LRRC43: variants seen among roughly 807,000 people sequenced by gnomAD.
The protein encoded by LRRC43 is leucine-rich repeat-containing protein 43.
A neutral mutation model predicts 64.3 loss-of-function variants in LRRC43; 62 were observed. That is an observed-to-expected ratio of 0.96 (90% CI 0.79 to 1.19). The LOEUF is 1.19. LRRC43 is among the 50% of genes most tolerant of loss of function. LRRC43 has a pLI of 0.00. For missense variants in LRRC43, 868 were observed against 845.0 expected (o/e 1.03, Z -0.34); for synonymous variants, 422 against 382.3 (o/e 1.10, Z -1.21).
chr12:122,181,251 G>A (rs765097215), upstream of LRRC43, among the ~76,000 whole-genome samples: 21 of 151,358 alleles, frequency 1.4e-4, no homozygotes, highest in Non-Finnish European at 2.5e-4. Flanking sequence ...TCTTTGAAAG[G>A]ACATATGGTT....
chr12:122,203,227 AG>A (rs1208781050), intron 11 of LRRC43, 87 bp from the exon 12 acceptor site: 3 of 1,479,242 alleles, frequency 2.0e-6, no homozygotes, highest in Non-Finnish European at 2.8e-6. Context: ...GACAGGGTCC[AG>A]GGCTTGCATA....
At chr12:122,189,585 GC>G (rs1193188624) in intron 4 of LRRC43, 3 of 428,736 alleles carry the variant, frequency 7.0e-6, no homozygotes, top group Admixed American at 2.6e-5. Flanking sequence ...CTCTTTGCAG[GC>G]CCCTCCCAGG....
Position 122,203,381 on chromosome 12 carries a change from T to C in LRRC43, c.1910T>C (p.Val637Ala). 1 of 1,613,342 alleles carries C rather than the reference T, an allele frequency of 6.2e-7. No individual in the cohort carries two copies. Among genetic ancestry groups the C allele is most frequent in the Non-Finnish European group, 8.5e-7 (1 of 1,179,912 alleles). ...CACCCTGAGCCCCTGACCGTAGAGG[T>C]GCAGATCCAGCTGAACCAGTGCCGC... ...DYHPEPLTVE[V>A]QIQLNQCRSA... Residue 637 changes from valine to alanine, a missense_variant, in exon 12 of 12, where the codon GTG becomes GCG. Physicochemically the swap from Val to Ala is moderately conservative, Grantham distance 64. Transcript: ENST00000339777.
At chr12:122,173,937 G>A (rs1472542821) in intron 1 of LRRC43, 1 of 1,613,970 alleles carries the variant, frequency 6.2e-7, no homozygotes, top group Non-Finnish European at 8.5e-7. Context: ...GCAACGTGTG[G>A]GAGGCCAGCC....
At chr12:122,169,511 C>A (rs528104260) in intron 1 of LRRC43, among the ~76,000 whole-genome samples, 1 of 151,960 alleles carries the variant, frequency 6.6e-6, no homozygotes, top group East Asian at 1.9e-4. Flanking sequence ...GTCAGGAGAT[C>A]GAGACCATCC....
Position 122,184,181 on chromosome 12 carries a change from G to A in LRRC43, c.151-338G>A, listed in dbSNP as rs1055250662. On this transcript the variant is annotated intron_variant, in intron 1 of 11. Coordinates refer to ENST00000339777, the MANE Select transcript of LRRC43 (RefSeq NM_001098519.2). This position sits in a 1 kb window ranked among gnomAD's most constrained non-coding sequence, Gnocchi z 4.0. ...GTGATCTCGGCTCACTGCAACCTCC[G>A]CCTCCCGGGTTCAAACGATTCTCCT... 2.2e-4 allele frequency among the ~76,000 whole-genome samples: 33 copies of A among 148,326 alleles called. No homozygotes were observed. The highest frequency in any genetic ancestry group is 7.5e-4 in the African/African-American group (30 of 39,912).
At chr12:122,190,501 T>C (rs1287296051) in intron 5 of LRRC43, 133 bp downstream of exon 5, 22 of 673,614 alleles carry the variant, frequency 3.3e-5, no homozygotes, top group Admixed American at 2.7e-5. Flanking sequence ...TATTCAGGTA[T>C]AGCCTCTCTT....
At chr12:122,188,011 G>C (rs565334686) in intron 4 of LRRC43, 171 bp downstream of exon 4, 1 of 666,210 alleles carries the variant, frequency 1.5e-6, no homozygotes, top group Middle Eastern at 4.1e-4. Flanking sequence ...GTGGGATTTT[G>C]TAAACAAAAA....
rs746797772 is a variant in LRRC43, at chr12:122,183,214, A to T, written c.70A>T (p.Thr24Ser). The change falls in exon 1 of 12, where the codon ACC becomes TCC. Residue 24 changes from threonine to serine, a missense_variant. By Grantham distance (58) the Thr-to-Ser change is moderately conservative. Transcript: ENST00000339777. ...EAGPGTQRPG[T>S]GTVSAAVREH... ...CGGGCCTGGGACTCAGCGGCCCGGG[A>T]CCGGGACCGTGAGCGCGGCCGTGCG... 7.7e-6 allele frequency: 12 copies of T among 1,564,530 alleles called. No individual in the cohort carries two copies. The South Asian group carries it at 1.4e-4, about 18-fold the overall frequency.
intron 1 of LRRC43, chr12:122,173,767 A>G: frequency 1.5e-6 from 2 of 1,320,656 alleles, no homozygotes; most frequent in East Asian, 2.3e-5. Context: ...TCAGGTCCGG[A>G]GAGAGGAGCC....
chr12:122,187,986 C>T, intron 4 of LRRC43, 146 bp downstream of exon 4: 2 of 770,938 alleles, frequency 2.6e-6, no homozygotes, highest in Non-Finnish European at 4.0e-6. Flanking sequence ...GTTTATTTCT[C>T]TGAATCCCCC....
At position 122,187,790 on chromosome 12, in the gene LRRC43, C is replaced by A. The variant is rs909204076; in HGVS notation, c.612C>A (p.His204Gln). ...GCCTGCAGCACTTGGGGTTAGGCCA[C>A]AACAAACTTCTAGGCCCCTTGGAAA... ...PAGLQHLGLG[H>Q]NKLLGPLESL... Residue 204 changes from histidine (H) to glutamine (Q), a missense_variant, in exon 4 of 12, where the codon CAC (histidine) becomes CAA (glutamine). Transcript: ENST00000339777. 1 of 1,614,132 alleles carries A rather than the reference C, an allele frequency of 6.2e-7. No individual in the cohort carries two copies. The highest frequency in any genetic ancestry group is 8.5e-7 in the Non-Finnish European group (1 of 1,180,010).
intron 1 of LRRC43, among the ~76,000 whole-genome samples, chr12:122,177,350 G>A (rs1026029709): frequency 6.6e-6 from 1 of 152,186 alleles, no homozygotes; most frequent in Non-Finnish European, 1.5e-5. Context: ...GAGCTTGGAA[G>A]AGGATGCTGA....
Position 122,200,759 on chromosome 12 carries a change from TGAA to T in LRRC43, c.1644_1646del (p.Lys549del), listed in dbSNP as rs1227028443. The stretch of plus-strand genomic sequence containing the variant: ...CCGTCGTCGCAGGAGTGGAAGGTGC[TGAA>T]GAAGAAGAAAGAGCCGCCCAAGGAG... On this transcript the variant is annotated inframe_deletion, in exon 10 of 12. Transcript: ENST00000339777. This position sits in a 1 kb window ranked among gnomAD's most constrained non-coding sequence, Gnocchi z 4.6. 3 of 1,612,884 alleles carry T rather than the reference TGAA, an allele frequency of 1.9e-6. No homozygotes were observed. Among genetic ancestry groups the T allele is most frequent in the Non-Finnish European group, 2.5e-6 (3 of 1,179,944 alleles).
rs1168278336 is a variant in LRRC43, at chr12:122,203,327, C to T, written c.1856C>T (p.Ala619Val). 6.2e-7 allele frequency: 1 copy of T among 1,612,502 alleles called. No individual in the cohort carries two copies. The highest frequency in any genetic ancestry group is 2.2e-5 in the East Asian group (1 of 44,880). Residue 619 changes from alanine to valine, a missense_variant, in exon 12 of 12, where the codon GCC becomes GTC. By Grantham distance (64) the Ala-to-Val change is moderately conservative. Coordinates refer to ENST00000339777, the MANE Select transcript of LRRC43 (RefSeq NM_001098519.2). Reference protein sequence around the residue: ...KKVAKKEKPKAVIPIYEGDYH... With the variant: ...KKVAKKEKPKVVIPIYEGDYH... ...TAAATTTTCTCAGAAAAGCCGAAAG[C>T]CGTGATTCCGATCTACGAAGGCGAT...
chr12:122,184,384 G>A lies in LRRC43; in HGVS notation c.151-135G>A, dbSNP rs907640434. On this transcript the variant is annotated intron_variant, in intron 1 of 11. Transcript: ENST00000339777. This position sits in a 1 kb window ranked among gnomAD's most constrained non-coding sequence, Gnocchi z 4.0. ...GCTGGGATTACAGGCATGAGCCACCGCACCTGGCCTACTCTCTAGATTTCT... is the reference window on the plus strand; with the variant it reads ...GCTGGGATTACAGGCATGAGCCACCACACCTGGCCTACTCTCTAGATTTCT... 2.1e-5 allele frequency: 24 copies of A among 1,149,120 alleles called. 1 individual carries two copies. Among genetic ancestry groups the A allele is most frequent in the Non-Finnish European group, 2.5e-5 (21 of 831,860 alleles). 71.2% of individuals were successfully genotyped at this position (1,149,120 alleles called of 1,614,324 possible).
At chr12:122,190,443 G>A (rs1953705358) in intron 5 of LRRC43, 75 bp downstream of exon 5, 2 of 1,212,274 alleles carry the variant, frequency 1.6e-6, no homozygotes, top group Non-Finnish European at 2.4e-6. Context: ...CCGCCCTCCT[G>A]GGTCCGTGTA....
At chr12:122,173,975 G>C (rs1298166901) in intron 1 of LRRC43, 9 of 1,614,150 alleles carry the variant, frequency 5.6e-6, no homozygotes, top group Non-Finnish European at 7.6e-6. Context: ...AACAGAAAGA[G>C]CACAGACGTC....
At chr12:122,182,746 G>GT (rs752412020), upstream of LRRC43, among the ~76,000 whole-genome samples, 352 of 152,168 alleles carry the variant, frequency 2.3e-3, 3 homozygotes, top group Non-Finnish European at 9.1e-4. Context: ...TGATTAAACA[G>GT]TTATACAGGT....
Sources: allele counts gnomAD v4.1 joint callset (sites outside exome capture counted in the v4.1 genomes callset), GRCh38; gene constraint gnomAD v4.1.1; non-coding constraint Gnocchi (gnomAD v3.1); transcripts MANE v1.5; gene names NCBI Gene and HGNC (gene_info 2026-07-23, HGNC 2026-07-21).